Variants in CAPN13 observed in about 807,000 individuals in gnomAD.
The protein encoded by CAPN13 is calpain-13.
CAPN13 carries 90 observed loss-of-function variants against 98.4 expected under a neutral mutation model. The observed-to-expected ratio is 0.92, with a 90% CI of 0.77 to 1.09. CAPN13 has a LOEUF of 1.09. CAPN13 is among the 50% of genes least tolerant of loss of function. The pLI is 0.00. For synonymous variants in CAPN13, 330 were observed against 305.5 expected (o/e 1.08, Z -0.84); for missense variants, 887 against 841.3 (o/e 1.05, Z -0.67).
intron 1 of CAPN13, among the ~76,000 whole-genome samples, chr2:30,795,941 AT>A (rs1046421682): frequency 6.6e-6 from 1 of 151,864 alleles, no homozygotes; most frequent in Non-Finnish European, 1.5e-5. Context: ...CTATAATAAT[AT>A]TTTTATGAAG....
At chr2:30,801,680 C>T (rs1430545099) in intron 1 of CAPN13, among the ~76,000 whole-genome samples, 1 of 147,858 alleles carries the variant, frequency 6.8e-6, no homozygotes, top group East Asian at 2.0e-4. Flanking sequence ...GAGGCCAAGA[C>T]AGAGCAACCA....
intron 2 of CAPN13, 75 bp from the exon 3 acceptor site, chr2:30,777,714 C>T: frequency 8.1e-7 from 1 of 1,230,680 alleles, no homozygotes; most frequent in Non-Finnish European, 1.2e-6. Context: ...TTCACTTTGT[C>T]TTTCAAGGGT....
intron 1 of CAPN13, among the ~76,000 whole-genome samples, chr2:30,799,242 A>T (rs1009903650): frequency 2.6e-5 from 4 of 152,160 alleles, no homozygotes; most frequent in Admixed American, 1.3e-4. Context: ...TGTGTATACA[A>T]ATCTACAGCA....
At chr2:30,793,300 T>C (rs1674696597) in intron 1 of CAPN13, among the ~76,000 whole-genome samples, 1 of 151,498 alleles carries the variant, frequency 6.6e-6, no homozygotes, top group South Asian at 2.1e-4. Flanking sequence ...ATTAAAAAAT[T>C]ATATTATTAT....
chr2:30,803,156 A>T (rs1675394447), intron 1 of CAPN13, among the ~76,000 whole-genome samples: 1 of 152,216 alleles, frequency 6.6e-6, no homozygotes, highest in Non-Finnish European at 1.5e-5. Context: ...GTTGGCTGCC[A>T]CGTCTGGTTA....
At chr2:30,742,477 C>T (rs1371671368) in intron 13 of CAPN13, 118 bp from the exon 14 acceptor site, 12 of 1,078,018 alleles carry the variant, frequency 1.1e-5, no homozygotes, top group Non-Finnish European at 1.7e-5. Context: ...AATGGGGCAC[C>T]CTCAGCACCG....
rs1671450923 is a variant in CAPN13 at position 30,737,825 on chromosome 2, T to C, written c.1653+410A>G. ...AGCATCGACTTTGGAGGCTGAAAGC[T>C]CCAACTTCAAATCTGAGCATGAGTC... On this transcript the variant is annotated intron_variant, in intron 17 of 22. Coordinates refer to ENST00000295055, the MANE Select transcript of CAPN13 (RefSeq NM_144575.3). 2.3e-5 allele frequency: 5 copies of C among 213,116 alleles called. No individual in the cohort carries two copies. The South Asian group carries it at 4.5e-4, about 19-fold the overall frequency. 13.2% of individuals were successfully genotyped at this position (213,116 alleles called of 1,614,324 possible). A position where few individuals can be genotyped will look rare whatever the true frequency, so the allele number is the denominator to read the frequency against.
intron 15 of CAPN13, 69 bp from the exon 16 acceptor site, chr2:30,738,526 C>G: frequency 6.8e-7 from 1 of 1,478,238 alleles, no homozygotes; most frequent in Non-Finnish European, 9.3e-7. Context: ...ATCTGCCTGC[C>G]GTGTAAAAGC....
intron 1 of CAPN13, among the ~76,000 whole-genome samples, chr2:30,795,639 C>T (rs1027938115): frequency 2.6e-5 from 4 of 152,074 alleles, no homozygotes; most frequent in Non-Finnish European, 5.9e-5. Context: ...ATTCACTACT[C>T]ACTCTGGATA....
intron 21 of CAPN13, 149 bp from the exon 22 acceptor site, chr2:30,730,935 G>A (rs916871728): frequency 1.7e-5 from 11 of 660,086 alleles, no homozygotes; most frequent in South Asian, 5.2e-5. Context: ...GGTACGGGGC[G>A]GGGTTGTCTC....
At chr2:30,799,946 C>T (rs1412855006) in intron 1 of CAPN13, among the ~76,000 whole-genome samples, 9 of 151,924 alleles carry the variant, frequency 5.9e-5, no homozygotes, top group East Asian at 5.8e-4. Flanking sequence ...TGGTGGCAGA[C>T]GCCTGCAGTC....
intron 2 of CAPN13, among the ~76,000 whole-genome samples, chr2:30,777,954 G>C (rs1425379387): frequency 6.6e-6 from 1 of 152,134 alleles, no homozygotes; most frequent in South Asian, 2.1e-4. Context: ...TTTATTAAGA[G>C]GTTGTAAATA....
intron 2 of CAPN13, among the ~76,000 whole-genome samples, chr2:30,783,200 G>C (rs6717368): frequency 0.091 from 13,930 of 152,248 alleles, 1,346 homozygotes; most frequent in East Asian, 0.43. Flanking sequence ...CCTAAAAGGG[G>C]TCCACTCTAA....
intron 2 of CAPN13, among the ~76,000 whole-genome samples, chr2:30,781,911 G>T (rs1279685261): frequency 6.6e-6 from 1 of 151,962 alleles, no homozygotes; most frequent in Non-Finnish European, 1.5e-5. Context: ...ATGTCAACAG[G>T]GTATATATTA....
Position 30,751,141 on chromosome 2 carries a change from C to A in CAPN13, c.1198G>T (p.Glu400Ter). The A allele has an allele frequency of 6.2e-7, 1 of 1,613,910 alleles. No individual in the cohort carries two copies. The highest frequency in any genetic ancestry group is 8.5e-7 in the Non-Finnish European group (1 of 1,179,830). Residue 400 changes from glutamate to a stop codon, truncating the protein, a stop_gained, in exon 11 of 23, where the codon GAA (glutamate) becomes TAA (stop). Transcript: ENST00000295055. LOFTEE classifies it high-confidence loss of function. ...AAATCGAGTGGAAATTTTGCATCTT[C>A]TGCTTTCAAATTTGATGGTGTGACA... ...VAVTPSNLKA[E>*]DAKFPLDFQV... is the part of the protein sequence containing the mutation.
chr2:30,727,324 T>C (rs1670891711), intron 22 of CAPN13, among the ~76,000 whole-genome samples: 1 of 152,030 alleles, frequency 6.6e-6, no homozygotes, highest in Non-Finnish European at 1.5e-5. Flanking sequence ...TTAGACTCCA[T>C]CAAAATTAAA....
At chr2:30,784,615 T>C (rs1674164725) in intron 2 of CAPN13, among the ~76,000 whole-genome samples, 2 of 152,164 alleles carry the variant, frequency 1.3e-5, no homozygotes, top group Admixed American at 1.3e-4. Flanking sequence ...ACATTACTAG[T>C]GACAGGCAGG....
At chr2:30,773,109 C>A (rs1374906791) in intron 4 of CAPN13, among the ~76,000 whole-genome samples, 4 of 152,210 alleles carry the variant, frequency 2.6e-5, no homozygotes, top group African/African-American at 9.7e-5. Flanking sequence ...CAGGCGTGAG[C>A]CACTGCGCCT....
chr2:30,789,965 G>A (rs1674519275), intron 1 of CAPN13, among the ~76,000 whole-genome samples: 1 of 152,220 alleles, frequency 6.6e-6, no homozygotes, highest in South Asian at 2.1e-4. Flanking sequence ...CCTGGGGGAA[G>A]GGAAGGCTTG....
Sources: allele counts gnomAD v4.1 joint callset (sites outside exome capture counted in the v4.1 genomes callset), GRCh38; gene constraint gnomAD v4.1.1; transcripts MANE v1.5; gene names NCBI Gene and HGNC (gene_info 2026-07-23, HGNC 2026-07-21).